AFAP1L1: variants seen among roughly 807,000 people sequenced by gnomAD.
The protein encoded by AFAP1L1 is actin filament associated protein 1 like 1.
Under a neutral mutation model 99.8 loss-of-function variants are expected in AFAP1L1, and 77 were observed. That is an observed-to-expected ratio of 0.77 (90% CI 0.64 to 0.93). AFAP1L1 has a LOEUF of 0.93. AFAP1L1 is among the 40% of genes least tolerant of loss of function. The probability of loss-of-function intolerance (pLI) is 0.00; values close to 1 mark genes in which losing one functional copy is unlikely to be tolerated. For missense variants in AFAP1L1, 893 were observed against 996.8 expected (o/e 0.90, Z 1.40); for synonymous variants, 373 against 395.3 (o/e 0.94, Z 0.67).
rs750656243 is a variant in AFAP1L1, at chr5:149,320,359, T to C, written c.1626-32T>C. 1.9e-6 allele frequency: 3 copies of C among 1,606,912 alleles called. No individual in the cohort carries two copies. ...TGTAAGCTGCAAAGCATCATTGTCA[T>C]TGTCATTGTCATCGTACATTTTATT... On this transcript the variant is annotated intron_variant, in intron 13 of 18. Transcript: ENST00000296721. The surrounding 1 kb of genome is among the most constrained non-coding windows in gnomAD (Gnocchi z 4.0).
At chr5:149,304,480 G>C (rs1440112319) in intron 5 of AFAP1L1, among the ~76,000 whole-genome samples, 1 of 152,166 alleles carries the variant, frequency 6.6e-6, no homozygotes, top group African/African-American at 2.4e-5. Context: ...GGCTATATGG[G>C]GTTCCTTCAC....
At chr5:149,299,887 C>G (rs1432816885) in intron 2 of AFAP1L1, among the ~76,000 whole-genome samples, 1 of 152,010 alleles carries the variant, frequency 6.6e-6, no homozygotes, top group East Asian at 1.9e-4. Context: ...TCCTTCACCC[C>G]TGCCCTCCAC....
chr5:149,332,732 C>T lies in AFAP1L1; in HGVS notation c.2013C>T (p.Thr671=), dbSNP rs1757290786. ...AGGCTCTGGAAGAAGCCGTGGCCAC[C>T]CTGGAAGCTCAGTGTCGGGCAAAGG... is the stretch of plus-strand genomic sequence containing the variant. ...KLKALEEAVA[T]LEAQCRAKEE... Residue 671 remains threonine (T), a synonymous_variant, in exon 17 of 19, where the codon ACC becomes ACT. Coordinates refer to ENST00000296721, the MANE Select transcript of AFAP1L1 (RefSeq NM_152406.4). 6.2e-7 allele frequency: 1 copy of T among 1,613,754 alleles called. No homozygotes were observed.
intron 1 of AFAP1L1, among the ~76,000 whole-genome samples, chr5:149,299,135 A>T (rs1032752714): frequency 6.6e-6 from 1 of 152,134 alleles, no homozygotes; most frequent in Non-Finnish European, 1.5e-5. Flanking sequence ...CTGAGCTTCG[A>T]GCTGCAGTGA....
At chr5:149,291,237 G>A (rs1444432162) in intron 1 of AFAP1L1, among the ~76,000 whole-genome samples, 2 of 152,102 alleles carry the variant, frequency 1.3e-5, no homozygotes, top group Admixed American at 6.5e-5. Flanking sequence ...GGAAGGAGGT[G>A]TCTCTGGAAA....
At chr5:149,329,212 A>G (rs1757181326) in intron 15 of AFAP1L1, among the ~76,000 whole-genome samples, 1 of 152,208 alleles carries the variant, frequency 6.6e-6, no homozygotes, top group Non-Finnish European at 1.5e-5. Context: ...GTACTATACT[A>G]AGTGCTTTTC....
intron 1 of AFAP1L1, among the ~76,000 whole-genome samples, chr5:149,293,459 TG>T (rs1755922553): frequency 6.6e-6 from 1 of 152,238 alleles, no homozygotes; most frequent in Non-Finnish European, 1.5e-5. Flanking sequence ...ACTGGTTGTG[TG>T]ACCATAACTA....
chr5:149,315,595 T>TCCCTC, intron 9 of AFAP1L1: 1 of 525,544 alleles, frequency 1.9e-6, no homozygotes, highest in Non-Finnish European at 3.5e-6. Context: ...ATTAATTGCC[T>TCCCTC]CCCTCCCCAA....
chr5:149,295,328 A>G (rs1345436915), intron 1 of AFAP1L1, among the ~76,000 whole-genome samples: 1 of 152,264 alleles, frequency 6.6e-6, no homozygotes, highest in East Asian at 1.9e-4. Context: ...CAAAAAAGGT[A>G]TTACAAAGCT....
At chr5:149,287,752 GTT>G (rs57835099) in intron 1 of AFAP1L1, among the ~76,000 whole-genome samples, 8 of 130,272 alleles carry the variant, frequency 6.1e-5, no homozygotes, top group East Asian at 2.2e-4. Flanking sequence ...TTTTTTTGGT[GTT>G]TTTTTTTTTT....
At chr5:149,288,594 G>T (rs967955610) in intron 1 of AFAP1L1, among the ~76,000 whole-genome samples, 1 of 152,208 alleles carries the variant, frequency 6.6e-6, no homozygotes, top group Admixed American at 6.5e-5. Context: ...AGGAGTGCGC[G>T]TGTGTGTCAC....
Position 149,300,266 on chromosome 5 carries a change from C to T in AFAP1L1, c.146-5C>T, listed in dbSNP as rs1756156233. The T allele has an allele frequency of 6.2e-7, 1 of 1,609,144 alleles. No homozygotes were observed. The highest frequency in any genetic ancestry group is 8.5e-7 in the Non-Finnish European group (1 of 1,177,208). On this transcript the variant is annotated splice_polypyrimidine_tract_variant and splice_region_variant and intron_variant, in intron 2 of 18. Coordinates refer to ENST00000296721, the MANE Select transcript of AFAP1L1 (RefSeq NM_152406.4). ...CAGCTGGCATGTCCCCCTTCTTCCT[C>T]ACAGCAAAGGAGGTCTCCTACCTGT...
At chr5:149,316,101 T>A in intron 10 of AFAP1L1, 50 bp from the exon 11 acceptor site, 1 of 1,595,950 alleles carries the variant, frequency 6.3e-7, no homozygotes, top group Non-Finnish European at 8.6e-7. Context: ...AGACTAAGGA[T>A]GGGTGGGACT....
intron 1 of AFAP1L1, among the ~76,000 whole-genome samples, chr5:149,293,707 CAAT>C (rs1755930264): frequency 6.6e-6 from 1 of 152,188 alleles, no homozygotes; most frequent in African/African-American, 2.4e-5. Context: ...AAAATAACAA[CAAT>C]GACAAAACAA....
intron 1 of AFAP1L1, among the ~76,000 whole-genome samples, chr5:149,275,078 T>C (rs748730948): frequency 6.6e-6 from 1 of 152,094 alleles, no homozygotes. Context: ...GTATTCACGA[T>C]AATAACTGAA....
intron 5 of AFAP1L1, among the ~76,000 whole-genome samples, chr5:149,304,852 C>T (rs896885029): frequency 6.6e-6 from 1 of 152,210 alleles, no homozygotes; most frequent in African/African-American, 2.4e-5. Flanking sequence ...AATGTCAGTG[C>T]TGCCGTCTTC....
chr5:149,304,734 C>A (rs558975604), intron 5 of AFAP1L1, among the ~76,000 whole-genome samples: 2 of 152,332 alleles, frequency 1.3e-5, no homozygotes, highest in East Asian at 3.9e-4. Flanking sequence ...CTGACCCCCC[C>A]GTTCACCTCC....
chr5:149,295,691 T>C (rs1309946766), intron 1 of AFAP1L1, among the ~76,000 whole-genome samples: 1 of 152,186 alleles, frequency 6.6e-6, no homozygotes, highest in Non-Finnish European at 1.5e-5. Flanking sequence ...CAAAAAGTTT[T>C]GCAATCCTTA....
intron 8 of AFAP1L1, among the ~76,000 whole-genome samples, chr5:149,311,213 A>G (rs896271089): frequency 2.6e-5 from 4 of 152,088 alleles, no homozygotes; most frequent in Non-Finnish European, 5.9e-5. Flanking sequence ...AGCCCCCATG[A>G]TGGAACATTT....
Sources: allele counts gnomAD v4.1 joint callset (sites outside exome capture counted in the v4.1 genomes callset), GRCh38; gene constraint gnomAD v4.1.1; non-coding constraint Gnocchi (gnomAD v3.1); transcripts MANE v1.5; gene names NCBI Gene and HGNC (gene_info 2026-07-23, HGNC 2026-07-21).